ARFGEF3: variants seen among roughly 807,000 people sequenced by gnomAD.
The protein encoded by ARFGEF3 is brefeldin A-inhibited guanine nucleotide-exchange protein 3.
ARFGEF3 carries 96 observed loss-of-function variants against 221.7 expected under a neutral mutation model. The ratio of observed to expected loss-of-function variants is 0.43; its 90% CI spans 0.37 to 0.51. ARFGEF3 has a LOEUF of 0.51. ARFGEF3 is among the 20% of genes least tolerant of loss of function. The pLI is 0.00. For synonymous variants in ARFGEF3, 1,145 were observed against 1,126.8 expected (o/e 1.02, Z -0.32); for missense variants, 2,410 against 2,789.9 (o/e 0.86, Z 3.07).
At chr6:138,216,032 G>A (rs1467004712) in intron 4 of ARFGEF3, 2 of 151,504 alleles carry the variant, frequency 1.3e-5, no homozygotes, top group African/African-American at 2.4e-5. Context: ...AGGCTGGAGT[G>A]CAATAGTGCA....
intron 14 of ARFGEF3, among the ~76,000 whole-genome samples, chr6:138,284,905 G>T (rs766355527): frequency 3.3e-5 from 5 of 152,202 alleles, no homozygotes; most frequent in Admixed American, 6.5e-5. Context: ...TACCTGCACC[G>T]TGTGTATTGA....
At chr6:138,333,586 G>A (rs1161527099) in intron 32 of ARFGEF3, among the ~76,000 whole-genome samples, 2 of 152,036 alleles carry the variant, frequency 1.3e-5, no homozygotes, top group South Asian at 2.1e-4. Flanking sequence ...GGGACTACAG[G>A]TGCCCGCCAC....
chr6:138,274,970 G>A (rs548644613), intron 12 of ARFGEF3, among the ~76,000 whole-genome samples: 222 of 150,704 alleles, frequency 1.5e-3, no homozygotes, highest in African/African-American at 5.0e-3. Flanking sequence ...AGCTGGGTGC[G>A]GTGGCACATG....
chr6:138,268,057 A>G (rs1054076638), intron 12 of ARFGEF3, among the ~76,000 whole-genome samples: 11 of 152,296 alleles, frequency 7.2e-5, no homozygotes, highest in African/African-American at 2.6e-4. Context: ...CTGTGGTTCA[A>G]CTGGTGGCAC....
At chr6:138,257,409 C>T (rs766664447) in intron 10 of ARFGEF3, among the ~76,000 whole-genome samples, 1 of 152,184 alleles carries the variant, frequency 6.6e-6, no homozygotes, top group Non-Finnish European at 1.5e-5. Context: ...GGGGCTCTTC[C>T]TGTACCTGGA....
At chr6:138,222,847 T>C (rs1778005561) in intron 4 of ARFGEF3, among the ~76,000 whole-genome samples, 1 of 152,162 alleles carries the variant, frequency 6.6e-6, no homozygotes, top group South Asian at 2.1e-4. Flanking sequence ...ACCTCATATA[T>C]AGTTTTTTAT....
At chr6:138,307,430 C>G (rs771417807) in intron 23 of ARFGEF3, 33 bp downstream of exon 23, 40 of 1,583,326 alleles carry the variant, frequency 2.5e-5, no homozygotes, top group Non-Finnish European at 3.4e-5. Flanking sequence ...TGCTATTCAG[C>G]ATTAATTCTC....
At chr6:138,300,228 C>G (rs1006802038) in intron 22 of ARFGEF3, among the ~76,000 whole-genome samples, 4 of 152,124 alleles carry the variant, frequency 2.6e-5, no homozygotes, top group African/African-American at 9.7e-5. Flanking sequence ...TATAAGTTAA[C>G]ACCTAAAGAC....
chr6:138,255,014 C>T (rs996278812), intron 9 of ARFGEF3, among the ~76,000 whole-genome samples: 3 of 152,182 alleles, frequency 2.0e-5, no homozygotes, highest in African/African-American at 7.2e-5. Flanking sequence ...AGTGACAGGC[C>T]CCACAGGCAG....
intron 12 of ARFGEF3, among the ~76,000 whole-genome samples, chr6:138,272,736 C>T (rs1251635541): frequency 1.3e-5 from 2 of 152,166 alleles, no homozygotes; most frequent in Non-Finnish European, 2.9e-5. Flanking sequence ...AATCTTATCA[C>T]GAAGGTTTAG....
chr6:138,315,716 G>C lies in ARFGEF3; in HGVS notation c.4346-1535G>C, dbSNP rs370542185. ...AATACAAAAATTAGTCAAGCGTGGTGGGGGGGCGCCTGTAATCCCAGCTAC... is the reference window on the plus strand; with the variant it reads ...AATACAAAAATTAGTCAAGCGTGGTCGGGGGGCGCCTGTAATCCCAGCTAC... On this transcript the variant is annotated intron_variant, in intron 26 of 33. Transcript: ENST00000251691. Among the ~76,000 whole-genome samples the C allele has an allele frequency of 4.7e-5, 7 of 148,410 alleles. 1 individual carries two copies. In the South Asian group the frequency reaches 1.0e-3, roughly 22 times the overall value.
At position 138,262,471 on chromosome 6, in the gene ARFGEF3, C is replaced by T. The variant is rs568523274; in HGVS notation, c.1218-230C>T. On this transcript the variant is annotated intron_variant, in intron 11 of 33. Transcript: ENST00000251691. ...CGTCCCAAAGTGCTGGGATTACAGGCGTGAGCCACTGTGCCCGGCCAATGC... is the reference window on the plus strand; with the variant it reads ...CGTCCCAAAGTGCTGGGATTACAGGTGTGAGCCACTGTGCCCGGCCAATGC... Among the ~76,000 whole-genome samples the T allele has an allele frequency of 6.6e-5, 10 of 152,284 alleles. No homozygotes were observed. The East Asian group carries it at 1.5e-3, about 24-fold the overall frequency.
chr6:138,328,354 C>T (rs1163451928), intron 32 of ARFGEF3, among the ~76,000 whole-genome samples: 1 of 152,200 alleles, frequency 6.6e-6, no homozygotes, highest in Non-Finnish European at 1.5e-5. Context: ...ACAGAAAGTA[C>T]CACAGACTGG....
intron 26 of ARFGEF3, among the ~76,000 whole-genome samples, chr6:138,315,907 A>AAT (rs1779918256): frequency 6.6e-6 from 1 of 152,170 alleles, no homozygotes; most frequent in Non-Finnish European, 1.5e-5. Flanking sequence ...TACAGGAAAG[A>AAT]ATATCTAATA....
chr6:138,338,246 A>G lies in ARFGEF3; in HGVS notation c.*1760A>G, dbSNP rs913230457. 1 of 152,262 alleles carries G rather than the reference A, an allele frequency of 6.6e-6. No homozygotes were observed. Among genetic ancestry groups the G allele is most frequent in the Non-Finnish European group, 1.5e-5 (1 of 68,044 alleles). The allele number at this position is 152,262 out of a possible 1,614,324, so 9.4% of individuals were successfully genotyped here. A position where few individuals can be genotyped will look rare whatever the true frequency, so the allele number is the denominator to read the frequency against. On this transcript the variant is annotated 3_prime_UTR_variant, in exon 34 of 34. Coordinates refer to ENST00000251691, the MANE Select transcript of ARFGEF3 (RefSeq NM_020340.5). ...GGGATATCAGTGAACTATGTTGTAT[A>G]CTTTTGAATTTTTACATTTTATAAA...
At chr6:138,220,661 C>A (rs1777968257) in intron 4 of ARFGEF3, among the ~76,000 whole-genome samples, 1 of 152,194 alleles carries the variant, frequency 6.6e-6, no homozygotes. Context: ...CCTTTGGGTG[C>A]AAGTTCTAAT....
At chr6:138,217,952 A>G (rs1234228005) in intron 4 of ARFGEF3, 125 of 1,549,478 alleles carry the variant, frequency 8.1e-5, no homozygotes, top group Non-Finnish European at 1.0e-4. Flanking sequence ...AACCATTTTT[A>G]TTTTTCTGGA....
chr6:138,329,991 TGGCA>T (rs1780196367), intron 32 of ARFGEF3, among the ~76,000 whole-genome samples: 1 of 151,908 alleles, frequency 6.6e-6, no homozygotes, highest in African/African-American at 2.4e-5. Flanking sequence ...GGTTGTTCTC[TGGCA>T]GGCAGGAGTG....
At chr6:138,323,938 A>C (rs1037709775) in intron 30 of ARFGEF3, 85 bp from the exon 31 acceptor site, 1 of 1,574,214 alleles carries the variant, frequency 6.4e-7, no homozygotes, top group African/African-American at 1.3e-5. Context: ...CTTTTGTCTC[A>C]GACACAGTGA....
Sources: gnomAD v4.1 joint callset for allele counts (sites outside exome capture counted in the v4.1 genomes callset) on GRCh38, gnomAD v4.1.1 for gene constraint, MANE v1.5 for transcripts, NCBI Gene and HGNC (gene_info 2026-07-23, HGNC 2026-07-21) for gene names.